The following GRK5 variants were observed in gnomAD, a reference collection of about 807,000 sequenced individuals.
The protein encoded by GRK5 is g protein-coupled receptor kinase GRK5.
GRK5 carries 40 observed loss-of-function variants against 78.4 expected under a neutral mutation model. The observed-to-expected ratio is 0.51, with a 90% CI of 0.40 to 0.66. The LOEUF is 0.66. Among genes scored for constraint, GRK5 ranks in the 30% least tolerant of loss-of-function variants. GRK5 has a pLI of 0.00. For synonymous variants in GRK5, 289 were observed against 296.8 expected, an observed-to-expected ratio of 0.97 and a Z score of 0.27; for missense variants, 598 against 759.9, an observed-to-expected ratio of 0.79 and a Z score of 2.50.
chr10:119,233,269 G>A (rs1326450398), intron 1 of GRK5, among the ~76,000 whole-genome samples: 2 of 152,220 alleles, frequency 1.3e-5, no homozygotes, highest in Admixed American at 6.5e-5. Context: ...AATCCACAAG[G>A]TTGGGTGGAG....
chr10:119,331,284 C>G (rs73449698), intron 2 of GRK5, among the ~76,000 whole-genome samples: 1,962 of 152,272 alleles, frequency 0.013, 47 homozygotes, highest in African/African-American at 0.045. Flanking sequence ...TGAAAAGGCT[C>G]TGTGTGTGAG....
chr10:119,216,821 GGGTGC>G (rs1848582619), intron 1 of GRK5, among the ~76,000 whole-genome samples: 1 of 152,128 alleles, frequency 6.6e-6, no homozygotes, highest in East Asian at 1.9e-4. Context: ...ATGTGGTGGT[GGGTGC>G]CTATAATAAT....
At chr10:119,414,392 A>T (rs546880585) in intron 4 of GRK5, among the ~76,000 whole-genome samples, 302 of 151,084 alleles carry the variant, frequency 2.0e-3, no homozygotes, top group Non-Finnish European at 3.2e-3. Context: ...TGTGTGTGTG[A>T]GAGAGAGAGA....
chr10:119,447,199 G>T (rs1853169554), intron 12 of GRK5, among the ~76,000 whole-genome samples: 1 of 152,108 alleles, frequency 6.6e-6, no homozygotes, highest in East Asian at 1.9e-4. Flanking sequence ...CGTCTCACCT[G>T]GGTGTCTGCT....
rs913084248 is a variant in GRK5 at position 119,430,261 on chromosome 10, C to T, written c.534-114C>T. On this transcript the variant is annotated intron_variant, in intron 6 of 15. Transcript: ENST00000392870. This position sits in a 1 kb window ranked among gnomAD's most constrained non-coding sequence, Gnocchi z 4.5. ...GATTCCTGGGGGGTCCCTGGGGCTG[C>T]TGTGGGGCTCCTGGAATTATACCCC... 4.5e-6 allele frequency: 4 copies of T among 879,936 alleles called. No individual in the cohort carries two copies. The highest frequency in any genetic ancestry group is 4.2e-5 in the South Asian group (3 of 72,264). The allele number at this position is 879,936 out of a possible 1,614,324, so 54.5% of individuals were successfully genotyped here. A position where few individuals can be genotyped will look rare whatever the true frequency, so the allele number is the denominator to read the frequency against.
intron 13 of GRK5, among the ~76,000 whole-genome samples, chr10:119,449,288 C>T (rs968089571): frequency 5.3e-5 from 8 of 152,230 alleles, no homozygotes; most frequent in South Asian, 2.1e-4. Flanking sequence ...TTACCAGTAC[C>T]GCCCTGAGTG....
chr10:119,260,621 T>G (rs1021044674), intron 1 of GRK5, among the ~76,000 whole-genome samples: 1 of 152,020 alleles, frequency 6.6e-6, no homozygotes, highest in Non-Finnish European at 1.5e-5. Flanking sequence ...ACCAGCATGC[T>G]GCCTTCAAGC....
At chr10:119,454,946 G>T (rs371502956) in intron 15 of GRK5, 23 bp from the exon 16 acceptor site, 3 of 1,472,084 alleles carry the variant, frequency 2.0e-6, no homozygotes, top group Non-Finnish European at 1.9e-6. Context: ...TCTCCACCCC[G>T]TCTCCCCCAA....
chr10:119,208,165 G>A (rs1380746565), intron 1 of GRK5, among the ~76,000 whole-genome samples, 196 bp downstream of exon 1: 1 of 152,254 alleles, frequency 6.6e-6, no homozygotes, highest in Non-Finnish European at 1.5e-5. Context: ...TCTGGACTTG[G>A]GCTGAGAAGG....
intron 3 of GRK5, among the ~76,000 whole-genome samples, chr10:119,395,398 C>T (rs1852030736): frequency 6.6e-6 from 1 of 152,152 alleles, no homozygotes; most frequent in Admixed American, 6.5e-5. Context: ...ACCCTAGACA[C>T]TGAGGTGTGA....
chr10:119,305,197 C>T (rs753033628), intron 1 of GRK5, among the ~76,000 whole-genome samples: 1 of 152,036 alleles, frequency 6.6e-6, no homozygotes, highest in African/African-American at 2.4e-5. Flanking sequence ...TCCAGAGTCC[C>T]GTGGTCCTCC....
In GRK5 at chr10:119,452,553, G is replaced by C; in HGVS notation, c.1405-118G>C. 8.1e-7 allele frequency: 1 copy of C among 1,241,000 alleles called. No homozygotes were observed. Among genetic ancestry groups the C allele is most frequent in the Non-Finnish European group, 1.1e-6 (1 of 885,982 alleles). The allele number at this position is 1,241,000 out of a possible 1,614,324, so 76.9% of individuals were successfully genotyped here. ...CACCCTCCAGCCACTACCCATAGCAGTTCTGGGGGTGTGTCCTGGGAAGAC... is the reference window on the plus strand; with the variant it reads ...CACCCTCCAGCCACTACCCATAGCACTTCTGGGGGTGTGTCCTGGGAAGAC... On this transcript the variant is annotated intron_variant, in intron 13 of 15. Coordinates refer to ENST00000392870, the MANE Select transcript of GRK5 (RefSeq NM_005308.3). The surrounding 1 kb of genome is among the most constrained non-coding windows in gnomAD (Gnocchi z 4.4).
At chr10:119,286,752 C>T (rs1849853818) in intron 1 of GRK5, among the ~76,000 whole-genome samples, 1 of 152,240 alleles carries the variant, frequency 6.6e-6, no homozygotes, top group Non-Finnish European at 1.5e-5. Context: ...GTCACCCATT[C>T]CCTTGCCTGG....
chr10:119,420,707 T>C (rs1429025050), intron 4 of GRK5, among the ~76,000 whole-genome samples: 1 of 152,054 alleles, frequency 6.6e-6, no homozygotes, highest in Non-Finnish European at 1.5e-5. Flanking sequence ...GCCTCCCAAG[T>C]AGCCGAGACT....
At chr10:119,326,669 C>T in intron 2 of GRK5, 58 bp downstream of exon 2, 3 of 1,368,118 alleles carry the variant, frequency 2.2e-6, no homozygotes, top group Non-Finnish European at 3.1e-6. Context: ...TCCGCCAAGC[C>T]GTTTGTGCAT....
chr10:119,427,364 A>AATATC lies in GRK5; in HGVS notation c.533+2279_533+2280insATATC, dbSNP rs1852710423. The stretch of plus-strand genomic sequence containing the variant: ...CATCACCACCATCATCAGCATCATC[A>AATATC]CCATCATCAGCATCACCACCATCAT... On this transcript the variant is annotated intron_variant, in intron 6 of 15. Coordinates refer to ENST00000392870, the MANE Select transcript of GRK5 (RefSeq NM_005308.3). Among the ~76,000 whole-genome samples the AATATC allele has an allele frequency of 5.6e-5, 3 of 53,782 alleles. No homozygotes were observed. The Admixed American group carries it at 7.8e-4, about 14-fold the overall frequency. 35.3% of individuals were successfully genotyped at this position (53,782 alleles called of 152,430 possible).
chr10:119,450,071 G>C (rs1853244337), intron 13 of GRK5, among the ~76,000 whole-genome samples: 1 of 152,168 alleles, frequency 6.6e-6, no homozygotes, highest in South Asian at 2.1e-4. Flanking sequence ...TGTGTTGTTT[G>C]TTGTTTGTTT....
At position 119,207,872 on chromosome 10, in the gene GRK5, G is replaced by A. The variant is rs1421509931; in HGVS notation, c.-46G>A. ...CAGCAGCAGCGGCAGCACCCCAGGC[G>A]CTGACAGCCCCGCCGGCCGGCTCCG... On this transcript the variant is annotated 5_prime_UTR_variant, in exon 1 of 16. Transcript: ENST00000392870. 4 of 1,558,284 alleles carry A rather than the reference G, an allele frequency of 2.6e-6. No individual in the cohort carries two copies. Among genetic ancestry groups the A allele is most frequent in the South Asian group, 1.2e-5 (1 of 85,120 alleles).
chr10:119,246,100 C>T (rs1382371679), intron 1 of GRK5, among the ~76,000 whole-genome samples: 1 of 142,878 alleles, frequency 7.0e-6, no homozygotes, highest in South Asian at 2.3e-4. Flanking sequence ...TTTTTAAAAT[C>T]ACAATAAAAA....
Sources: allele counts gnomAD v4.1 joint callset (sites outside exome capture counted in the v4.1 genomes callset), GRCh38; gene constraint gnomAD v4.1.1; non-coding constraint Gnocchi (gnomAD v3.1); transcripts MANE v1.5; gene names NCBI Gene and HGNC (gene_info 2026-07-23, HGNC 2026-07-21).